The following FMR1NB variants were observed in gnomAD, a reference collection of about 807,000 sequenced individuals.
FMR1NB encodes the protein FMR1 neighbor protein.
A neutral mutation model predicts 16.8 loss-of-function variants in FMR1NB; 10 were observed. The ratio of observed to expected loss-of-function variants is 0.60; its 90% CI spans 0.37 to 1.01. FMR1NB has a LOEUF of 1.01. Ranked by LOEUF, FMR1NB falls within the 50% of genes least tolerant of loss-of-function variation. FMR1NB has a pLI of 0.01. For missense variants in FMR1NB, 205 were observed against 204.8 expected, an observed-to-expected ratio of 1.00 and a Z score of 0.00; for synonymous variants, 83 against 79.1, an observed-to-expected ratio of 1.05 and a Z score of -0.26.
intron 2 of FMR1NB, among the ~76,000 whole-genome samples, chrX:148,004,197 G>A (rs2044584567): frequency 8.9e-6 from 1 of 112,089 alleles, no homozygotes; most frequent in East Asian, 2.8e-4. Flanking sequence ...AAATAAAAAA[G>A]AAATCTGAGA....
chrX:147,991,347 T>C (rs2044503380), intron 1 of FMR1NB, among the ~76,000 whole-genome samples: 1 of 109,930 alleles, frequency 9.1e-6, no homozygotes, highest in Admixed American at 9.7e-5. Context: ...TGCCTCACCT[T>C]TGCTTATATA....
intron 1 of FMR1NB, 147 bp downstream of exon 1, chrX:147,981,826 C>A: frequency 1.6e-6 from 1 of 644,936 alleles, no homozygotes; most frequent in Non-Finnish European, 2.3e-6. Flanking sequence ...CTTTATGGCC[C>A]TATCCTCAGC....
intron 4 of FMR1NB, among the ~76,000 whole-genome samples, chrX:148,012,324 T>G (rs2044629494): frequency 8.9e-6 from 1 of 112,198 alleles, no homozygotes; most frequent in Non-Finnish European, 1.9e-5. Context: ...TATATGCCAT[T>G]TAAACATCTG....
intron 1 of FMR1NB, among the ~76,000 whole-genome samples, chrX:147,996,476 C>G (rs1031472925): frequency 9.1e-6 from 1 of 110,493 alleles, no homozygotes; most frequent in East Asian, 2.9e-4. Flanking sequence ...AGACCCTCAA[C>G]TTGAAGCCTC....
At chrX:148,022,672 T>G (rs2044685324) in intron 4 of FMR1NB, among the ~76,000 whole-genome samples, 1 of 111,472 alleles carries the variant, frequency 9.0e-6, no homozygotes. Flanking sequence ...TTAGGTAGAA[T>G]AGCTAACCTT....
chrX:147,991,775 C>T (rs782375910), intron 1 of FMR1NB, among the ~76,000 whole-genome samples: 1 of 106,456 alleles, frequency 9.4e-6, no homozygotes, highest in Non-Finnish European at 1.9e-5. Context: ...GAACAAAGGT[C>T]TCTGGTTTTC....
At chrX:147,997,214 A>C (rs2044546346) in intron 1 of FMR1NB, among the ~76,000 whole-genome samples, 1 of 111,991 alleles carries the variant, frequency 8.9e-6, no homozygotes, top group Non-Finnish European at 1.9e-5. Context: ...ACTATACTAC[A>C]AGGCTATAGT....
In FMR1NB at chrX:148,018,085, T is replaced by A. The variant is rs782203915; in HGVS notation, c.633-6780T>A. ...TGGGATGGCTGGGTCAAATGGTATT[T>A]CTAGTTCTAGATCCCTGAGGAATCG... is the stretch of plus-strand genomic sequence containing the variant. On this transcript the variant is annotated intron_variant, in intron 4 of 5. Coordinates refer to ENST00000370467, the MANE Select transcript of FMR1NB (RefSeq NM_152578.3). Among the ~76,000 whole-genome samples, 544 of 108,956 alleles carry A rather than the reference T, an allele frequency of 5.0e-3. 7 individuals carry two copies. The highest frequency in any genetic ancestry group is 0.017 in the African/African-American group (502 of 29,259). 94.6% of individuals were successfully genotyped at this position (108,956 alleles called of 115,157 possible).
chrX:147,987,143 A>T (rs2044481027), intron 1 of FMR1NB, among the ~76,000 whole-genome samples: 1 of 111,289 alleles, frequency 9.0e-6, no homozygotes, highest in Admixed American at 9.6e-5. Context: ...GGTGTATAGG[A>T]ATGCTTGTTA....
Position 147,991,354 on chromosome X carries a change from T to C in FMR1NB, c.277+9675T>C, listed in dbSNP as rs147094610. 3.1e-3 allele frequency among the ~76,000 whole-genome samples: 346 copies of C among 110,209 alleles called. 1 individual carries two copies. Among genetic ancestry groups the C allele is most frequent in the Non-Finnish European group, 5.1e-3 (271 of 52,725 alleles). ...ACATTCCCTGCCTCACCTTTGCTTA[T>C]ATAGTTCCAACCTCCCTTATCTCTC... is the stretch of plus-strand genomic sequence containing the variant. On this transcript the variant is annotated intron_variant, in intron 1 of 5. Transcript: ENST00000370467.
At chrX:147,985,714 A>G (rs994229987) in intron 1 of FMR1NB, among the ~76,000 whole-genome samples, 1 of 112,072 alleles carries the variant, frequency 8.9e-6, no homozygotes, top group African/African-American at 3.2e-5. Context: ...TATCCAGTCT[A>G]TCATTGATGG....
rs149766361 is a variant in FMR1NB, at chrX:147,988,630, T to C, written c.277+6951T>C. On this transcript the variant is annotated intron_variant, in intron 1 of 5. Coordinates refer to ENST00000370467, the MANE Select transcript of FMR1NB (RefSeq NM_152578.3). ...AACTTTGTTCCATTCTCCCCGTCACTTTCAGGGACCTCAATCAAACGTAGG... is the reference window on the plus strand; with the variant it reads ...AACTTTGTTCCATTCTCCCCGTCACCTTCAGGGACCTCAATCAAACGTAGG... Among the ~76,000 whole-genome samples the C allele has an allele frequency of 3.5e-4, 39 of 111,935 alleles. No homozygotes were observed. The East Asian group carries it at 0.011, about 31-fold the overall frequency.
chrX:148,010,200 T>A lies in FMR1NB; in HGVS notation c.632+1489T>A, dbSNP rs781956597. ...CAGACTGCTTGAGAAACAATGTGAA[T>A]AAGTGTATATATTGGATACTATACA... is the stretch of plus-strand genomic sequence containing the variant. On this transcript the variant is annotated intron_variant, in intron 4 of 5. Transcript: ENST00000370467. Among the ~76,000 whole-genome samples the A allele has an allele frequency of 2.7e-5, 3 of 112,585 alleles. No individual in the cohort carries two copies. The East Asian group carries it at 8.3e-4, about 31-fold the overall frequency.
At chrX:147,984,281 A>G (rs782053051) in intron 1 of FMR1NB, among the ~76,000 whole-genome samples, 26 of 112,278 alleles carry the variant, frequency 2.3e-4, no homozygotes, top group African/African-American at 8.4e-4. Flanking sequence ...TAGAGTTGGC[A>G]TTGAATCTGT....
intron 4 of FMR1NB, among the ~76,000 whole-genome samples, chrX:148,011,017 G>A (rs1386558037): frequency 9.0e-6 from 1 of 111,153 alleles, no homozygotes; most frequent in Non-Finnish European, 1.9e-5. Context: ...AAAATGAGAA[G>A]CACTTTGGGA....
chrX:148,011,387 G>A (rs1295029485), intron 4 of FMR1NB, among the ~76,000 whole-genome samples: 3 of 111,436 alleles, frequency 2.7e-5, no homozygotes, highest in South Asian at 3.7e-4. Context: ...AGTTTTTGGC[G>A]CCTAAGTCAT....
intron 1 of FMR1NB, among the ~76,000 whole-genome samples, chrX:147,985,080 T>G (rs1285104374): frequency 9.0e-6 from 1 of 111,500 alleles, no homozygotes; most frequent in African/African-American, 3.3e-5. Flanking sequence ...TTGCTGGTAT[T>G]TTGTAGGAGA....
intron 1 of FMR1NB, among the ~76,000 whole-genome samples, chrX:147,989,622 G>A (rs1322537133): frequency 4.5e-5 from 5 of 112,001 alleles, no homozygotes; most frequent in Non-Finnish European, 7.5e-5. Flanking sequence ...GCCGACAGCC[G>A]CCCCTTTCCT....
intron 1 of FMR1NB, among the ~76,000 whole-genome samples, chrX:147,994,516 A>G (rs1373675536): frequency 8.9e-6 from 1 of 112,495 alleles, no homozygotes; most frequent in African/African-American, 3.2e-5. Flanking sequence ...ACACCAAAGT[A>G]TTTCTGAATT....
Sources: gnomAD v4.1 joint callset for allele counts (sites outside exome capture counted in the v4.1 genomes callset) on GRCh38, gnomAD v4.1.1 for gene constraint, MANE v1.5 for transcripts, NCBI Gene and HGNC (gene_info 2026-07-23, HGNC 2026-07-21) for gene names.